IQANK1: variants seen among roughly 807,000 people sequenced by gnomAD.
IQANK1 encodes IQ motif and ankyrin repeat domain-containing protein 1.
In IQANK1, 30 loss-of-function variants were observed where a neutral mutation model predicts 22.6. The ratio of observed to expected loss-of-function variants is 1.33; its 90% CI spans 0.99 to 1.80. The LOEUF (loss-of-function observed/expected upper bound fraction) is 1.80. Among genes scored for constraint, IQANK1 ranks in the 40% most tolerant of loss-of-function variants. IQANK1 has a pLI of 0.00. For synonymous variants in IQANK1, 122 were observed against 99.6 expected, an observed-to-expected ratio of 1.23 and a Z score of -1.34; for missense variants, 275 against 235.2, an observed-to-expected ratio of 1.17 and a Z score of -1.11.
In IQANK1 at chr8:143,771,569, G is replaced by C. The variant is rs1245945751; in HGVS notation, c.257G>C (p.Arg86Pro). ...GCCAGGAGGGAGCTCGCCCGCCGCC[G>C]GGAGGAGCGCCGGGAGTACCTGGAG... ...LRARRELARR[R>P]EERREYLEQM... Residue 86 changes from arginine to proline, a missense_variant, in exon 4 of 14, where the codon CGG becomes CCG. Coordinates refer to ENST00000527139, the MANE Select transcript of IQANK1 (RefSeq NM_001381874.1). This position sits in a 1 kb window ranked among gnomAD's most constrained non-coding sequence, Gnocchi z 6.0. 5.0e-6 allele frequency: 2 copies of C among 398,302 alleles called. No individual in the cohort carries two copies. Among genetic ancestry groups the C allele is most frequent in the Non-Finnish European group, 4.4e-6 (1 of 225,868 alleles). The allele number at this position is 398,302 out of a possible 1,614,324, so 24.7% of individuals were successfully genotyped here.
chr8:143,772,554 C>A (rs1186936759), intron 7 of IQANK1, 72 bp downstream of exon 7: 2 of 398,778 alleles, frequency 5.0e-6, no homozygotes, highest in Non-Finnish European at 8.8e-6. Flanking sequence ...AGGTGTGAGC[C>A]CCGGGAGGTG....
intron 7 of IQANK1, among the ~76,000 whole-genome samples, chr8:143,781,173 G>A (rs58140962): frequency 0.023 from 3,534 of 151,980 alleles, 153 homozygotes; most frequent in African/African-American, 0.08. Flanking sequence ...TTTTAATGGG[G>A]TTTTCTCTTG....
chr8:143,773,330 A>AAC (rs1819622427), intron 7 of IQANK1, among the ~76,000 whole-genome samples: 15 of 150,804 alleles, frequency 9.9e-5, no homozygotes, highest in East Asian at 7.8e-4. Flanking sequence ...AAAAAACACA[A>AAC]AAAAAACAGA....
chr8:143,755,164 TATATTCTCAGG>T (rs1417507183), intron 3 of IQANK1, among the ~76,000 whole-genome samples: 1 of 152,196 alleles, frequency 6.6e-6, no homozygotes, highest in Non-Finnish European at 1.5e-5. Flanking sequence ...GATACAGTGA[TATATTCTCAGG>T]ATACAATCTC....
intron 7 of IQANK1, among the ~76,000 whole-genome samples, chr8:143,773,614 C>T (rs1021867950): frequency 5.3e-5 from 8 of 152,036 alleles, no homozygotes; most frequent in Non-Finnish European, 7.4e-5. Flanking sequence ...CTCTGGCCCA[C>T]GGCAGACACC....
At chr8:143,780,873 C>T (rs1329018174) in intron 7 of IQANK1, among the ~76,000 whole-genome samples, 9 of 152,088 alleles carry the variant, frequency 5.9e-5, no homozygotes, top group African/African-American at 2.2e-4. Flanking sequence ...AATGGTAGTT[C>T]TGCTTTTAGG....
chr8:143,776,571 G>A (rs1819690636), intron 7 of IQANK1, among the ~76,000 whole-genome samples: 2 of 152,224 alleles, frequency 1.3e-5, no homozygotes, highest in South Asian at 4.1e-4. Context: ...GTATAGGAAG[G>A]GGGAACGTAG....
At chr8:143,772,554 CCCGGGAGGTGTGGGTA>C (rs1449006704) in intron 7 of IQANK1, 72 bp downstream of exon 7, 4 of 398,664 alleles carry the variant, frequency 1.0e-5, no homozygotes, top group African/African-American at 2.1e-5. Context: ...AGGTGTGAGC[CCCGGGAGGTGTGGGTA>C]CCGGGAGGTG....
At chr8:143,770,946 C>T (rs1554629682) in intron 3 of IQANK1, among the ~76,000 whole-genome samples, 1 of 152,236 alleles carries the variant, frequency 6.6e-6, no homozygotes, top group Non-Finnish European at 1.5e-5. Flanking sequence ...GAGGCGGCTC[C>T]AGGCTCGGGC....
intron 7 of IQANK1, among the ~76,000 whole-genome samples, chr8:143,778,246 A>G (rs1819729375): frequency 6.6e-6 from 1 of 152,156 alleles, no homozygotes; most frequent in Non-Finnish European, 1.5e-5. Context: ...AATTGTAGCT[A>G]ACTATGTTCT....
intron 7 of IQANK1, among the ~76,000 whole-genome samples, chr8:143,786,511 C>T (rs1819892429): frequency 6.6e-6 from 1 of 151,940 alleles, no homozygotes; most frequent in South Asian, 2.1e-4. Flanking sequence ...GTCATCTCTC[C>T]TATGTGTTTA....
chr8:143,767,500 T>A (rs782482923), intron 3 of IQANK1, among the ~76,000 whole-genome samples: 3 of 152,208 alleles, frequency 2.0e-5, no homozygotes, highest in Non-Finnish European at 2.9e-5. Context: ...TTTCCATAGA[T>A]GTGTAACTTA....
intron 2 of IQANK1, among the ~76,000 whole-genome samples, chr8:143,739,020 G>A (rs1041339931): frequency 2.8e-4 from 42 of 152,322 alleles, no homozygotes; most frequent in African/African-American, 7.5e-4. Context: ...AAAGCCCTGC[G>A]TGGCACTTTG....
intron 3 of IQANK1, among the ~76,000 whole-genome samples, chr8:143,754,363 C>A (rs1215639811): frequency 6.6e-6 from 1 of 152,210 alleles, no homozygotes; most frequent in Non-Finnish European, 1.5e-5. Flanking sequence ...TGGCTGAGCA[C>A]CTCTCCCAGG....
intron 2 of IQANK1, among the ~76,000 whole-genome samples, chr8:143,738,756 C>T (rs1818812513): frequency 1.3e-5 from 2 of 152,210 alleles, no homozygotes; most frequent in South Asian, 4.1e-4. Context: ...ACTCAAACTG[C>T]AGGCCACAGG....
At chr8:143,743,528 C>A (rs1212552277) in intron 3 of IQANK1, among the ~76,000 whole-genome samples, 1 of 152,204 alleles carries the variant, frequency 6.6e-6, no homozygotes, top group Admixed American at 6.5e-5. Flanking sequence ...GATGGAACAC[C>A]TCGAGAGTGC....
At chr8:143,761,229 C>A (rs1226816360) in intron 3 of IQANK1, among the ~76,000 whole-genome samples, 11 of 152,270 alleles carry the variant, frequency 7.2e-5, no homozygotes, top group African/African-American at 2.2e-4. Flanking sequence ...CCCGCCGCCA[C>A]CCTTTACCCC....
intron 3 of IQANK1, chr8:143,743,090 G>A: frequency 4.4e-6 from 2 of 452,542 alleles, no homozygotes; most frequent in South Asian, 1.6e-5. Flanking sequence ...ACATCTACCA[G>A]CTCTGCAGGG....
intron 3 of IQANK1, among the ~76,000 whole-genome samples, chr8:143,747,985 C>CTTTCCTTTCT (rs142900686): frequency 9.2e-5 from 11 of 119,470 alleles, no homozygotes; most frequent in Admixed American, 4.8e-4. Flanking sequence ...TTTCCTTTCC[C>CTTTCCTTTCT]TTTCCTTTCT....
Sources: gnomAD v4.1 joint callset for allele counts (sites outside exome capture counted in the v4.1 genomes callset) on GRCh38, gnomAD v4.1.1 for gene constraint, Gnocchi (gnomAD v3.1) non-coding constraint, MANE v1.5 for transcripts, NCBI Gene and HGNC (gene_info 2026-07-23, HGNC 2026-07-21) for gene names.